Variants in CDH18 observed in about 807,000 individuals in gnomAD.
CDH18 encodes the protein cadherin 18.
Under a neutral mutation model 67.9 loss-of-function variants are expected in CDH18, and 31 were observed. The observed-to-expected ratio is 0.46, with a 90% confidence interval of 0.34 to 0.62. The LOEUF (loss-of-function observed/expected upper bound fraction) is 0.62, where lower values mean the gene tolerates loss of function less well. Among genes scored for constraint, CDH18 ranks in the 20% least tolerant of loss-of-function variants. The pLI is 0.01. For missense variants in CDH18, 890 were observed against 975.5 expected, an observed-to-expected ratio of 0.91 and a Z score of 1.17; for synonymous variants, 362 against 347.2, an observed-to-expected ratio of 1.04 and a Z score of -0.48.
chr5:20,197,658 G>T (rs935940869), intron 2 of CDH18, among the ~76,000 whole-genome samples: 1 of 152,088 alleles, frequency 6.6e-6, no homozygotes, highest in Non-Finnish European at 1.5e-5. Flanking sequence ...TGAAATTTTG[G>T]CATGGCATTT....
chr5:20,491,477 G>A (rs1394815417), intron 1 of CDH18, among the ~76,000 whole-genome samples: 1 of 152,174 alleles, frequency 6.6e-6, no homozygotes, highest in African/African-American at 2.4e-5. Flanking sequence ...TAGCTCATGT[G>A]ATTATAAAGG....
upstream of CDH18, among the ~76,000 whole-genome samples, chr5:19,992,247 T>G (rs1349065598): frequency 6.6e-6 from 1 of 152,126 alleles, no homozygotes; most frequent in Non-Finnish European, 1.5e-5. Context: ...GGCTCTCATG[T>G]GGTAGTATGA....
At chr5:20,332,259 C>T (rs1739254255) in intron 1 of CDH18, among the ~76,000 whole-genome samples, 1 of 152,188 alleles carries the variant, frequency 6.6e-6, no homozygotes. Flanking sequence ...TTATGTTTTA[C>T]TCTCAGAATT....
chr5:19,887,635 C>G (rs2136128), intron 2 of CDH18, among the ~76,000 whole-genome samples: 2 of 151,746 alleles, frequency 1.3e-5, no homozygotes, highest in East Asian at 3.9e-4. Flanking sequence ...GTGGCATGAT[C>G]ATATTTCACT....
intron 2 of CDH18, among the ~76,000 whole-genome samples, chr5:19,953,689 A>G (rs567815493): frequency 5.5e-4 from 83 of 152,020 alleles, no homozygotes; most frequent in Non-Finnish European, 1.0e-3. Flanking sequence ...TTCCTGAAGT[A>G]GATTTAATGG....
intron 1 of CDH18, among the ~76,000 whole-genome samples, chr5:20,263,121 C>T (rs1421765911): frequency 6.6e-6 from 1 of 151,942 alleles, no homozygotes; most frequent in Non-Finnish European, 1.5e-5. Context: ...CAATTATGTA[C>T]CCTCGAGCAT....
chr5:19,948,342 T>A (rs1302909681), intron 2 of CDH18, among the ~76,000 whole-genome samples: 1 of 152,198 alleles, frequency 6.6e-6, no homozygotes, highest in African/African-American at 2.4e-5. Flanking sequence ...AAAAGTTAAA[T>A]CAAATGTCCT....
intron 2 of CDH18, among the ~76,000 whole-genome samples, chr5:19,996,467 G>T (rs1484047266): frequency 1.3e-5 from 2 of 151,928 alleles, no homozygotes; most frequent in African/African-American, 4.8e-5. Context: ...CATTTGAAAA[G>T]ATTACTGAAA....
intron 2 of CDH18, among the ~76,000 whole-genome samples, chr5:19,967,742 T>C (rs950756659): frequency 1.3e-5 from 2 of 152,078 alleles, no homozygotes; most frequent in African/African-American, 2.4e-5. Flanking sequence ...TCATACTGAA[T>C]GGGCAAAAAC....
intron 2 of CDH18, among the ~76,000 whole-genome samples, chr5:20,096,969 T>C (rs1347404399): frequency 6.6e-6 from 1 of 152,160 alleles, no homozygotes; most frequent in African/African-American, 2.4e-5. Context: ...TCTTTTATCA[T>C]TCTTATGTGT....
chr5:20,542,711 T>C (rs115695111), intron 1 of CDH18, among the ~76,000 whole-genome samples: 1,534 of 152,186 alleles, frequency 0.01, 20 homozygotes, highest in African/African-American at 0.035. Context: ...TACAATATAA[T>C]GTATTCTGTC....
chr5:20,561,850 C>A (rs567749632), intron 1 of CDH18, among the ~76,000 whole-genome samples: 1 of 151,616 alleles, frequency 6.6e-6, no homozygotes, highest in South Asian at 2.1e-4. Flanking sequence ...TTTTTCACCT[C>A]GTAATGTCTT....
At chr5:19,914,049 T>C (rs1330515986) in intron 2 of CDH18, among the ~76,000 whole-genome samples, 3 of 152,156 alleles carry the variant, frequency 2.0e-5, no homozygotes, top group Non-Finnish European at 4.4e-5. Context: ...GTATTGAGGT[T>C]ATTTAGCTCA....
intron 1 of CDH18, among the ~76,000 whole-genome samples, chr5:20,465,932 G>A (rs537845143): frequency 3.9e-5 from 6 of 152,062 alleles, no homozygotes; most frequent in East Asian, 1.9e-4. Context: ...CTTAACTAAG[G>A]TGACAAACTA....
chr5:20,231,119 T>C (rs1742035144), intron 2 of CDH18, among the ~76,000 whole-genome samples: 2 of 152,208 alleles, frequency 1.3e-5, no homozygotes, highest in South Asian at 4.1e-4. Flanking sequence ...ATCTGTTTTA[T>C]ATTCAAAATA....
At chr5:19,621,103 A>T (rs1750617310) in intron 5 of CDH18, among the ~76,000 whole-genome samples, 1 of 152,110 alleles carries the variant, frequency 6.6e-6, no homozygotes, top group African/African-American at 2.4e-5. Flanking sequence ...ATTAGATAGC[A>T]CAGGAAAGTA....
chr5:20,423,109 G>A (rs1418333988), intron 1 of CDH18, among the ~76,000 whole-genome samples: 1 of 151,196 alleles, frequency 6.6e-6, no homozygotes, highest in Non-Finnish European at 1.5e-5. Flanking sequence ...GAAAAACGGA[G>A]AGAATGAATG....
intron 1 of CDH18, among the ~76,000 whole-genome samples, chr5:19,984,405 GA>G (rs1232244361): frequency 1.3e-5 from 2 of 151,828 alleles, no homozygotes; most frequent in African/African-American, 2.4e-5. Context: ...ATGGAAATAA[GA>G]AAAAAATTGA....
In CDH18 at chr5:20,359,659, A is replaced by C. The variant is rs1337404232; in HGVS notation, c.-579-104154T>G. Among the ~76,000 whole-genome samples the C allele has an allele frequency of 2.6e-5, 4 of 152,340 alleles. No homozygotes were observed. The East Asian group carries it at 7.7e-4, about 29-fold the overall frequency. On this transcript the variant is annotated intron_variant, in intron 1 of 14. Transcript: ENST00000507958. The stretch of plus-strand genomic sequence containing the variant: ...CCTCAGCAGGTTTTATTATGCATCC[A>C]TTAAACTTCAAGTAGGAATATATAT...
Sources: gnomAD v4.1 joint callset for allele counts (sites outside exome capture counted in the v4.1 genomes callset) on GRCh38, gnomAD v4.1.1 for gene constraint, MANE v1.5 for transcripts, NCBI Gene and HGNC (gene_info 2026-07-23, HGNC 2026-07-21) for gene names.